Variants in DNAH9 observed in about 807,000 individuals in gnomAD.
The protein encoded by DNAH9 is DNAH9 variant protein.
Under a neutral mutation model 471.6 loss-of-function variants are expected in DNAH9, and 345 were observed. That is an observed-to-expected ratio of 0.73 (90% CI 0.67 to 0.80). The LOEUF (loss-of-function observed/expected upper bound fraction) is 0.80. Among genes scored for constraint, DNAH9 ranks in the 30% least tolerant of loss-of-function variants. The pLI, the probability that DNAH9 is intolerant of heterozygous loss-of-function variation, is 0.00. For synonymous variants in DNAH9, 2,093 were observed against 2,123.6 expected, an observed-to-expected ratio of 0.99 and a Z score of 0.40; for missense variants, 5,407 against 5,609.2, an observed-to-expected ratio of 0.96 and a Z score of 1.15.
At chr17:11,700,429 G>A (rs962125146) in intron 23 of DNAH9, among the ~76,000 whole-genome samples, 5 of 152,078 alleles carry the variant, frequency 3.3e-5, no homozygotes, top group African/African-American at 4.8e-5. Flanking sequence ...TCCAATGCAA[G>A]GGACACAAAC....
At chr17:11,867,885 C>G (rs1972115567) in intron 50 of DNAH9, among the ~76,000 whole-genome samples, 1 of 152,176 alleles carries the variant, frequency 6.6e-6, no homozygotes, top group Non-Finnish European at 1.5e-5. Context: ...GATATGAGGT[C>G]AAGAATCAAT....
chr17:11,765,636 A>G (rs1597614237), intron 36 of DNAH9, among the ~76,000 whole-genome samples: 1 of 152,158 alleles, frequency 6.6e-6, no homozygotes, highest in East Asian at 1.9e-4. Flanking sequence ...CTCCAAGGAC[A>G]GGAGGATACA....
intron 50 of DNAH9, among the ~76,000 whole-genome samples, chr17:11,863,936 C>T (rs1307882320): frequency 2.0e-5 from 3 of 151,920 alleles, no homozygotes; most frequent in Admixed American, 6.6e-5. Context: ...GTCTTGCTAG[C>T]GGTCTATCAA....
chr17:11,707,896 T>C (rs8079335), intron 26 of DNAH9, among the ~76,000 whole-genome samples: 22,712 of 151,536 alleles, frequency 0.15, 1,929 homozygotes, highest in South Asian at 0.26. Context: ...CTCATGCTTT[T>C]GTTCTACTCT....
chr17:11,859,652 C>T (rs188233493), intron 50 of DNAH9, among the ~76,000 whole-genome samples: 14 of 152,134 alleles, frequency 9.2e-5, no homozygotes, highest in Non-Finnish European at 1.8e-4. Context: ...TGGCTTCTGG[C>T]GAGGCCTCAG....
chr17:11,940,078 T>C (rs1974852072), intron 66 of DNAH9, among the ~76,000 whole-genome samples: 1 of 152,268 alleles, frequency 6.6e-6, no homozygotes, highest in African/African-American at 2.4e-5. Flanking sequence ...TTGCTTCTAA[T>C]ATCATGTGTA....
chr17:11,790,270 C>A (rs7218761), intron 41 of DNAH9, among the ~76,000 whole-genome samples: 18,054 of 151,808 alleles, frequency 0.12, 3,057 homozygotes, highest in African/African-American at 0.38. Flanking sequence ...AGAGATGTTA[C>A]GATATTTCAC....
In DNAH9 at chr17:11,629,612, G is replaced by T. The variant is rs9896341; in HGVS notation, c.1518+28G>T. On this transcript the variant is annotated intron_variant, in intron 7 of 68. Transcript: ENST00000262442. ...AGGGTTGGGAAGGGCTGAATCGCCA[G>T]CTCTGCCTCTGTCCCGGATGCCTCT... The T allele has an allele frequency of 1.3e-3, 2,021 of 1,603,886 alleles. 21 individuals are homozygous for T. In the African/African-American group the frequency reaches 0.021, roughly 17 times the overall value.
chr17:11,743,680 C>T (rs2075465985), intron 30 of DNAH9, among the ~76,000 whole-genome samples: 1 of 152,168 alleles, frequency 6.6e-6, no homozygotes, highest in African/African-American at 2.4e-5. Flanking sequence ...TCTCACTTGC[C>T]TTGACTGCAC....
intron 15 of DNAH9, among the ~76,000 whole-genome samples, chr17:11,668,750 G>A (rs2073924203): frequency 6.6e-6 from 1 of 151,872 alleles, no homozygotes; most frequent in Non-Finnish European, 1.5e-5. Flanking sequence ...AATGTGGAAG[G>A]GGAGTGGCTT....
chr17:11,665,048 C>A, intron 15 of DNAH9, 80 bp downstream of exon 15: 2 of 1,272,786 alleles, frequency 1.6e-6, no homozygotes, highest in South Asian at 1.3e-5. Context: ...TGAAGAGCAG[C>A]TGAGTGCTCT....
At chr17:11,724,076 T>C (rs1317916890) in intron 27 of DNAH9, among the ~76,000 whole-genome samples, 1 of 152,188 alleles carries the variant, frequency 6.6e-6, no homozygotes, top group African/African-American at 2.4e-5. Context: ...ATCAATAATA[T>C]TTATCAATAA....
chr17:11,611,723 A>G lies in DNAH9; in HGVS notation c.847A>G (p.Lys283Glu). 1 of 1,614,074 alleles carries G rather than the reference A, an allele frequency of 6.2e-7. No individual in the cohort carries two copies. The highest frequency in any genetic ancestry group is 8.5e-7 in the Non-Finnish European group (1 of 1,179,868). The change falls in exon 4 of 69, where the codon AAG becomes GAG. Residue 283 changes from lysine to glutamate, a missense_variant. Physicochemically the swap from Lys to Glu is moderately conservative, Grantham distance 56. Coordinates refer to ENST00000262442, the MANE Select transcript of DNAH9 (RefSeq NM_001372.4). ...TVRGMAKLLD[K>E]LQSSYFPAFK... ...GAGGGGCATGGCCAAGCTCCTGGACAAGCTTCAGAGTAGCTACTTTCCAGC... is the reference window on the plus strand; with the variant it reads ...GAGGGGCATGGCCAAGCTCCTGGACGAGCTTCAGAGTAGCTACTTTCCAGC...
chr17:11,829,714 C>T (rs1360910776), intron 48 of DNAH9, among the ~76,000 whole-genome samples: 1 of 152,186 alleles, frequency 6.6e-6, no homozygotes, highest in Non-Finnish European at 1.5e-5. Flanking sequence ...CTCAGGTGAT[C>T]CTCCCGCCTG....
chr17:11,631,004 T>C (rs1033961146), intron 7 of DNAH9, among the ~76,000 whole-genome samples: 2 of 152,214 alleles, frequency 1.3e-5, no homozygotes, highest in African/African-American at 4.8e-5. Context: ...CAGGCACACC[T>C]GGACAGAATT....
At chr17:11,905,244 AAAG>A (rs1284086310) in intron 60 of DNAH9, among the ~76,000 whole-genome samples, 1 of 152,000 alleles carries the variant, frequency 6.6e-6, no homozygotes, top group Non-Finnish European at 1.5e-5. Context: ...AAAAAAAAAA[AAAG>A]AGAGAGAATA....
At chr17:11,941,508 A>C (rs1335070821) in intron 66 of DNAH9, among the ~76,000 whole-genome samples, 1 of 152,182 alleles carries the variant, frequency 6.6e-6, no homozygotes, top group Non-Finnish European at 1.5e-5. Context: ...CCTCAATTCC[A>C]GTTTTCCAGG....
intron 26 of DNAH9, among the ~76,000 whole-genome samples, chr17:11,717,557 G>A (rs938793420): frequency 3.9e-5 from 6 of 152,074 alleles, no homozygotes; most frequent in African/African-American, 1.4e-4. Flanking sequence ...GGCCCCGCCT[G>A]GAAGTTGAGA....
At chr17:11,853,965 A>G (rs778536906) in intron 49 of DNAH9, 38 bp from the exon 50 acceptor site, 1 of 1,593,960 alleles carries the variant, frequency 6.3e-7, no homozygotes, top group South Asian at 1.1e-5. Flanking sequence ...AAGAAAGCCC[A>G]TTCATGTTCC....
Sources: gnomAD v4.1 joint callset for allele counts (sites outside exome capture counted in the v4.1 genomes callset) on GRCh38, gnomAD v4.1.1 for gene constraint, MANE v1.5 for transcripts, NCBI Gene and HGNC (gene_info 2026-07-23, HGNC 2026-07-21) for gene names.